The following UNC79 variants were observed in gnomAD, a reference collection of about 807,000 sequenced individuals.
UNC79 encodes the protein unc-79 subunit of NALCN channel complex.
Under a neutral mutation model 283.1 loss-of-function variants are expected in UNC79, and 37 were observed. The ratio of observed to expected loss-of-function variants is 0.13; its 90% confidence interval spans 0.10 to 0.17. UNC79 has a LOEUF of 0.17. Among genes scored for constraint, UNC79 ranks in the 10% least tolerant of loss-of-function variants. The pLI, the probability that UNC79 is intolerant of heterozygous loss-of-function variation, is 1.00. For synonymous variants in UNC79, 1,107 were observed against 1,200.2 expected, an observed-to-expected ratio of 0.92 and a Z score of 1.61; for missense variants, 2,272 against 3,211.1, an observed-to-expected ratio of 0.71 and a Z score of 7.07.
intron 1 of UNC79, chr14:93,335,027 CAAAATT>C (rs912844070): frequency 3.9e-5 from 6 of 152,166 alleles, no homozygotes; most frequent in African/African-American, 1.2e-4. Flanking sequence ...ATTTAAAAAA[CAAAATT>C]AAAATGGTAT....
chr14:93,652,025 G>A (rs2070339844), intron 35 of UNC79, among the ~76,000 whole-genome samples: 1 of 146,942 alleles, frequency 6.8e-6, no homozygotes, highest in South Asian at 2.2e-4. Context: ...GCCTCCCAAA[G>A]TGCTGGGATT....
At chr14:93,537,835 C>T (rs962640136) in intron 11 of UNC79, among the ~76,000 whole-genome samples, 154 bp from the exon 12 acceptor site, 1 of 152,202 alleles carries the variant, frequency 6.6e-6, no homozygotes, top group African/African-American at 2.4e-5. Context: ...TGACTGAAAT[C>T]TAGGTAGTGG....
intron 7 of UNC79, among the ~76,000 whole-genome samples, chr14:93,501,303 G>A (rs1049152417): frequency 5.3e-5 from 8 of 151,752 alleles, no homozygotes; most frequent in Middle Eastern, 3.4e-3. Flanking sequence ...AAGCCTGGAC[G>A]ACAGACCAAG....
Position 93,558,067 on chromosome 14 carries a change from G to T in UNC79, c.1756-13827G>T, listed in dbSNP as rs563568081. Among the ~76,000 whole-genome samples the T allele has an allele frequency of 2.6e-5, 4 of 152,220 alleles. No individual in the cohort carries two copies. In the East Asian group the frequency reaches 7.7e-4, roughly 29 times the overall value. ...AAACTACATTTGGTTTTTGTTTCAG[G>T]GACCCATAGCGAAGTTTGTAGCTGA... On this transcript the variant is annotated intron_variant, in intron 14 of 48. Transcript: ENST00000555664.
intron 4 of UNC79, 96 bp downstream of exon 4, chr14:93,477,824 A>G: frequency 8.4e-7 from 1 of 1,191,452 alleles, no homozygotes; most frequent in Non-Finnish European, 1.2e-6. Flanking sequence ...CGAGATTATA[A>G]TGGAATCACT....
At chr14:93,435,019 A>G (rs1434058365) in intron 1 of UNC79, among the ~76,000 whole-genome samples, 1 of 152,142 alleles carries the variant, frequency 6.6e-6, no homozygotes, top group Non-Finnish European at 1.5e-5. Context: ...TCTCCCATGT[A>G]TATGTAAGGG....
intron 35 of UNC79, among the ~76,000 whole-genome samples, chr14:93,652,758 G>T (rs952329173): frequency 6.6e-6 from 1 of 152,182 alleles, no homozygotes; most frequent in African/African-American, 2.4e-5. Flanking sequence ...TCTATAGCTG[G>T]ATTCAGTGGC....
In UNC79 at chr14:93,683,393, TA is replaced by T. The variant is rs200544415; in HGVS notation, c.6819+703del. Among the ~76,000 whole-genome samples, 969 of 152,180 alleles carry T rather than the reference TA, an allele frequency of 6.4e-3. 11 individuals carry two copies. Among genetic ancestry groups the T allele is most frequent in the African/African-American group, 0.022 (920 of 41,474 alleles). Reference sequence around the variant, plus strand: ...CCATGGGGTTTTCACAGGCCAAGTCTAAAAGTGTGTGGTTTTTTTCCTACTC... The same window carrying T: ...CCATGGGGTTTTCACAGGCCAAGTCTAAAGTGTGTGGTTTTTTTCCTACTC... On this transcript the variant is annotated intron_variant, in intron 42 of 48. Transcript: ENST00000555664.
At chr14:93,457,706 C>T (rs1375499760) in intron 1 of UNC79, among the ~76,000 whole-genome samples, 1 of 152,218 alleles carries the variant, frequency 6.6e-6, no homozygotes, top group African/African-American at 2.4e-5. Flanking sequence ...ATTTGAGAAA[C>T]ATCACACTGG....
In UNC79 at chr14:93,690,759, C is replaced by T; in HGVS notation, c.7272+456C>T. On this transcript the variant is annotated intron_variant, in intron 45 of 48. Coordinates refer to ENST00000555664, the Ensembl canonical transcript of UNC79. This position sits in a 1 kb window ranked among gnomAD's most constrained non-coding sequence, Gnocchi z 4.3. ...AAAACAAGAAGGCCAGTTGGGAACT[C>T]ACTAAAGCACACATTGGCATGACCT... The T allele has an allele frequency of 6.2e-6, 1 of 161,680 alleles. No individual in the cohort carries two copies. Among genetic ancestry groups the T allele is most frequent in the South Asian group, 1.7e-4 (1 of 5,746 alleles). 10.0% of individuals were successfully genotyped at this position (161,680 alleles called of 1,614,324 possible). A position where few individuals can be genotyped will look rare whatever the true frequency, so the allele number is the denominator to read the frequency against.
intron 29 of UNC79, among the ~76,000 whole-genome samples, chr14:93,619,769 CT>C (rs2066990103): frequency 6.6e-6 from 1 of 152,102 alleles, no homozygotes; most frequent in Non-Finnish European, 1.5e-5. Flanking sequence ...TAAAAAAAAC[CT>C]TGAATAATCA....
At chr14:93,521,516 C>T (rs139973758) in intron 7 of UNC79, among the ~76,000 whole-genome samples, 39 of 151,958 alleles carry the variant, frequency 2.6e-4, no homozygotes, top group Admixed American at 2.1e-3. Context: ...TTATCTTTCC[C>T]TTTCTAGGGC....
chr14:93,597,284 G>A (rs2141995963), intron 23 of UNC79, 75 bp from the exon 24 acceptor site: 1 of 1,490,046 alleles, frequency 6.7e-7, no homozygotes, highest in Non-Finnish European at 9.1e-7. Flanking sequence ...TCTCAGACTG[G>A]CTAAATAAAT....
chr14:93,540,549 G>A, intron 12 of UNC79, 111 bp from the exon 13 acceptor site: 1 of 1,222,114 alleles, frequency 8.2e-7, no homozygotes, highest in Non-Finnish European at 1.1e-6. Context: ...TCAATTTAAA[G>A]AAGAGCAATC....
At position 93,617,878 on chromosome 14, in the gene UNC79, A is replaced by C. The variant is rs918116623; in HGVS notation, c.4225-314A>C. Among the ~76,000 whole-genome samples the C allele has an allele frequency of 3.3e-5, 5 of 152,190 alleles. No individual in the cohort carries two copies. The highest frequency in any genetic ancestry group is 1.2e-4 in the African/African-American group (5 of 41,526). On this transcript the variant is annotated intron_variant, in intron 28 of 48. Coordinates refer to ENST00000555664, the Ensembl canonical transcript of UNC79. The surrounding 1 kb of genome is among the most constrained non-coding windows in gnomAD (Gnocchi z 4.5). Reference sequence around the variant, plus strand: ...AGCAACATGGTGAAATCCCATCTCTACAAAAAATTAGCCAAGCATGGTTGC... The same window carrying C: ...AGCAACATGGTGAAATCCCATCTCTCCAAAAAATTAGCCAAGCATGGTTGC...
intron 30 of UNC79, 29 bp downstream of exon 32, chr14:93,622,870 C>T: frequency 6.3e-7 from 1 of 1,596,304 alleles, no homozygotes; most frequent in South Asian, 1.1e-5. Context: ...TTTCTCTCAG[C>T]CTTAACTTTA....
At chr14:93,643,435 C>T (rs961306480) in intron 33 of UNC79, 122 bp from the exon 37 acceptor site, 2 of 1,360,124 alleles carry the variant, frequency 1.5e-6, no homozygotes. Context: ...CAGAGTGGGG[C>T]TCCTGATCTC....
chr14:93,417,328 T>G (rs2055485144), intron 1 of UNC79, among the ~76,000 whole-genome samples: 5 of 152,324 alleles, frequency 3.3e-5, no homozygotes, highest in Admixed American at 3.3e-4. Context: ...ATTCTTTTCT[T>G]TAAGAATGTT....
At chr14:93,557,474 G>T (rs943185399) in intron 14 of UNC79, among the ~76,000 whole-genome samples, 3 of 152,122 alleles carry the variant, frequency 2.0e-5, no homozygotes, top group Admixed American at 6.5e-5. Flanking sequence ...AAGCCTTAAT[G>T]AAGGTTATGA....
Sources: allele counts gnomAD v4.1 joint callset (sites outside exome capture counted in the v4.1 genomes callset), GRCh38; gene constraint gnomAD v4.1.1; non-coding constraint Gnocchi (gnomAD v3.1); transcripts MANE v1.5; gene names NCBI Gene and HGNC (gene_info 2026-07-23, HGNC 2026-07-21).